LRRC75A: variants seen among roughly 807,000 people sequenced by gnomAD.
The protein encoded by LRRC75A is leucine rich repeat containing 75A, also known as leucine-rich repeat-containing protein 75A.
In LRRC75A, 12 loss-of-function variants were observed where a neutral mutation model predicts 26.0. The ratio of observed to expected loss-of-function variants is 0.46; its 90% CI spans 0.30 to 0.75. The LOEUF (loss-of-function observed/expected upper bound fraction) is 0.75. Ranked by LOEUF, LRRC75A falls within the 30% of genes least tolerant of loss-of-function variation. The pLI is 0.08. For synonymous variants in LRRC75A, 223 were observed against 219.3 expected, an observed-to-expected ratio of 1.02 and a Z score of -0.15; for missense variants, 410 against 486.6, an observed-to-expected ratio of 0.84 and a Z score of 1.48.
rs2143007730 is a variant in LRRC75A, at chr17:16,443,053, CG to C, written c.*534del. Reference sequence around the variant, plus strand: ...TGGGTCTCCATAAGGAGGTAGGCCACGTTCAGTCCACCCCTAGCATAGATGG... The same window carrying C: ...TGGGTCTCCATAAGGAGGTAGGCCACTTCAGTCCACCCCTAGCATAGATGG... On this transcript the variant is annotated 3_prime_UTR_variant, in exon 4 of 4. Transcript: ENST00000470794. 6.5e-6 allele frequency: 1 copy of C among 153,414 alleles called. No homozygotes were observed. The highest frequency in any genetic ancestry group is 2.1e-4 in the South Asian group (1 of 4,868). The allele number at this position is 153,414 out of a possible 1,614,324, so 9.5% of individuals were successfully genotyped here.
intron 1 of LRRC75A, among the ~76,000 whole-genome samples, chr17:16,479,873 C>G (rs1171907772): frequency 1.3e-5 from 2 of 152,208 alleles, no homozygotes; most frequent in African/African-American, 4.8e-5. Flanking sequence ...TCATTTGGAG[C>G]AGGGGTCCCA....
intron 2 of LRRC75A, among the ~76,000 whole-genome samples, chr17:16,456,203 AG>A (rs1568960802): frequency 1.1e-5 from 1 of 94,622 alleles, no homozygotes; most frequent in Admixed American, 1.0e-4. Context: ...AGGAGGAGGA[AG>A]AGGAGGAGGA....
intron 2 of LRRC75A, among the ~76,000 whole-genome samples, chr17:16,458,838 C>A (rs2093705809): frequency 1.3e-5 from 2 of 152,102 alleles, no homozygotes; most frequent in South Asian, 4.2e-4. Flanking sequence ...AGACCCAAAG[C>A]TAAACTACCT....
Position 16,462,492 on chromosome 17 carries a change from C to CA in LRRC75A, c.247-107dup. The CA allele has an allele frequency of 1.4e-6, 2 of 1,471,612 alleles. No individual in the cohort carries two copies. The highest frequency in any genetic ancestry group is 1.8e-6 in the Non-Finnish European group (2 of 1,091,588). The allele number at this position is 1,471,612 out of a possible 1,614,324, so 91.2% of individuals were successfully genotyped here. On this transcript the variant is annotated intron_variant, in intron 1 of 3. Transcript: ENST00000470794. This position sits in a 1 kb window ranked among gnomAD's most constrained non-coding sequence, Gnocchi z 4.6. ...GACCCCTAGAGGCGACTCTGCCTCC[C>CA]AGAGCCCCGGTGGGGAGCATCTGCA...
intron 2 of LRRC75A, among the ~76,000 whole-genome samples, chr17:16,449,327 A>T (rs1356109523): frequency 6.6e-6 from 1 of 152,172 alleles, no homozygotes; most frequent in African/African-American, 2.4e-5. Flanking sequence ...GTGGGGATTC[A>T]AGTCCTGGCT....
intron 2 of LRRC75A, among the ~76,000 whole-genome samples, chr17:16,456,376 G>GAGGAGGAAGAGAAGAAGGAAA (rs2093684451): frequency 6.7e-6 from 1 of 149,080 alleles, no homozygotes; most frequent in African/African-American, 2.5e-5. Flanking sequence ...GAAGGAAGAG[G>GAGGAGGAAGAGAAGAAGGAAA]AGGAGGAAGA....
chr17:16,457,831 A>G (rs961454120), intron 2 of LRRC75A, among the ~76,000 whole-genome samples: 20 of 150,912 alleles, frequency 1.3e-4, no homozygotes, highest in African/African-American at 4.9e-4. Flanking sequence ...AAAATTAGCT[A>G]GGCATGGTGG....
intron 1 of LRRC75A, among the ~76,000 whole-genome samples, chr17:16,475,962 G>C (rs2093818777): frequency 1.3e-5 from 2 of 152,144 alleles, no homozygotes; most frequent in Admixed American, 1.3e-4. Flanking sequence ...GGAGACCGAG[G>C]TGGGTGGATC....
chr17:16,464,870 G>GA (rs970748711), intron 1 of LRRC75A, among the ~76,000 whole-genome samples: 6 of 152,224 alleles, frequency 3.9e-5, no homozygotes, highest in African/African-American at 1.4e-4. Context: ...CAGGAAGGCC[G>GA]AAAGTCAAAG....
chr17:16,476,008 T>C (rs996985562), intron 1 of LRRC75A, among the ~76,000 whole-genome samples: 3 of 152,046 alleles, frequency 2.0e-5, no homozygotes, highest in Non-Finnish European at 4.4e-5. Context: ...CTGGCTAACA[T>C]GGTGAAACCC....
At chr17:16,465,642 A>G (rs2093762199) in intron 1 of LRRC75A, among the ~76,000 whole-genome samples, 1 of 152,158 alleles carries the variant, frequency 6.6e-6, no homozygotes, top group African/African-American at 2.4e-5. Flanking sequence ...TCTCCAAGCT[A>G]GTCTAGGCCA....
At position 16,491,266 on chromosome 17, in the gene LRRC75A, C is replaced by G. The variant is rs2093856478; in HGVS notation, c.246+479G>C. On this transcript the variant is annotated intron_variant, in intron 1 of 3. Coordinates refer to ENST00000470794, the MANE Select transcript of LRRC75A (RefSeq NM_001113567.3). This position sits in a 1 kb window ranked among gnomAD's most constrained non-coding sequence, Gnocchi z 5.9. ...CCCAGGCGAGTGAAGGACCTAGGGA[C>G]TGGAATCTCATTGGCCCCAGGGCTG... Among the ~76,000 whole-genome samples the G allele has an allele frequency of 6.6e-6, 1 of 152,246 alleles. No individual in the cohort carries two copies. Among genetic ancestry groups the G allele is most frequent in the Non-Finnish European group, 1.5e-5 (1 of 68,040 alleles).
At chr17:16,474,450 C>T (rs1009085944) in intron 1 of LRRC75A, among the ~76,000 whole-genome samples, 1 of 152,188 alleles carries the variant, frequency 6.6e-6, no homozygotes, top group Non-Finnish European at 1.5e-5. Context: ...ATTTCCCAAG[C>T]ACCTCCCCTG....
At chr17:16,475,085 A>C (rs2093816625) in intron 1 of LRRC75A, among the ~76,000 whole-genome samples, 1 of 151,972 alleles carries the variant, frequency 6.6e-6, no homozygotes, top group African/African-American at 2.4e-5. Flanking sequence ...GACTTAGAGG[A>C]TCCTTCTGGC....
At chr17:16,464,870 G>A (rs1262023000) in intron 1 of LRRC75A, among the ~76,000 whole-genome samples, 2 of 152,224 alleles carry the variant, frequency 1.3e-5, no homozygotes, top group South Asian at 2.1e-4. Context: ...CAGGAAGGCC[G>A]AAAGTCAAAG....
Position 16,457,088 on chromosome 17 carries a change from G to A in LRRC75A, c.375+5170C>T, listed in dbSNP as rs1021239817. ...TGACCTGGGAGGGGTACCAGCACCC[G>A]ACACTGCTCTGGCTCTCAGCCATCA... On this transcript the variant is annotated intron_variant, in intron 2 of 3. Transcript: ENST00000470794. 5.3e-5 allele frequency among the ~76,000 whole-genome samples: 8 copies of A among 151,204 alleles called. No individual in the cohort carries two copies. The South Asian group carries it at 1.0e-3, about 20-fold the overall frequency.
At chr17:16,458,106 A>G (rs2093699052) in intron 2 of LRRC75A, among the ~76,000 whole-genome samples, 1 of 152,196 alleles carries the variant, frequency 6.6e-6, no homozygotes, top group Admixed American at 6.5e-5. Flanking sequence ...GGAGTTTGAG[A>G]CCAGGCTGGC....
rs956811366 is a variant in LRRC75A at position 16,442,493 on chromosome 17, C to T, written c.*1095G>A. The stretch of plus-strand genomic sequence containing the variant: ...GATCCCTTAACTGGTAGGGCCCTTT[C>T]AGTAGGACAGTATTTGGGTAAGGGG... On this transcript the variant is annotated 3_prime_UTR_variant, in exon 4 of 4. Coordinates refer to ENST00000470794, the MANE Select transcript of LRRC75A (RefSeq NM_001113567.3). 3 of 152,226 alleles carry T rather than the reference C, an allele frequency of 2.0e-5. No individual in the cohort carries two copies. Among genetic ancestry groups the T allele is most frequent in the African/African-American group, 7.2e-5 (3 of 41,446 alleles). 9.4% of individuals were successfully genotyped at this position (152,226 alleles called of 1,614,324 possible). A position where few individuals can be genotyped will look rare whatever the true frequency, so the allele number is the denominator to read the frequency against.
intron 1 of LRRC75A, among the ~76,000 whole-genome samples, chr17:16,485,570 T>A (rs972078891): frequency 2.6e-5 from 4 of 151,610 alleles, no homozygotes; most frequent in African/African-American, 9.7e-5. Flanking sequence ...GGTATTTTGT[T>A]ATAGCAGCCG....
Sources: gnomAD v4.1 joint callset for allele counts (sites outside exome capture counted in the v4.1 genomes callset) on GRCh38, gnomAD v4.1.1 for gene constraint, Gnocchi (gnomAD v3.1) non-coding constraint, MANE v1.5 for transcripts, NCBI Gene and HGNC (gene_info 2026-07-23, HGNC 2026-07-21) for gene names.